Variants in KIFC1 observed in about 807,000 individuals in gnomAD.
KIFC1 encodes the protein kinesin-like protein KIFC1.
KIFC1 carries 37 observed loss-of-function variants against 66.6 expected under a neutral mutation model. That is an observed-to-expected ratio of 0.56 (90% CI 0.43 to 0.73). The LOEUF is 0.73. Among genes scored for constraint, KIFC1 ranks in the 30% least tolerant of loss-of-function variants. KIFC1 has a pLI of 0.00. For synonymous variants in KIFC1, 325 were observed against 343.5 expected (o/e 0.95, Z 0.60); for missense variants, 721 against 859.8 (o/e 0.84, Z 2.02).
chr6:33,403,461 T>A lies in KIFC1; in HGVS notation c.305-24T>A. 1 of 1,613,700 alleles carries A rather than the reference T, an allele frequency of 6.2e-7. No individual in the cohort carries two copies. Among genetic ancestry groups the A allele is most frequent in the South Asian group, 1.1e-5 (1 of 91,068 alleles). On this transcript the variant is annotated intron_variant, in intron 4 of 10. Coordinates refer to ENST00000428849, the MANE Select transcript of KIFC1 (RefSeq NM_002263.4). This position sits in a 1 kb window ranked among gnomAD's most constrained non-coding sequence, Gnocchi z 4.6. ...GGAGGGACACTGGTCCTGTAATTCCTAAGTCACCTCCTCAATTCTGTAGGG... is the reference window on the plus strand; with the variant it reads ...GGAGGGACACTGGTCCTGTAATTCCAAAGTCACCTCCTCAATTCTGTAGGG...
At position 33,403,476 on chromosome 6, in the gene KIFC1, A is replaced by G. The variant is rs1374347007; in HGVS notation, c.305-9A>G. The stretch of plus-strand genomic sequence containing the variant: ...CTGTAATTCCTAAGTCACCTCCTCA[A>G]TTCTGTAGGGTTGAAGAACCAGAAG... On this transcript the variant is annotated splice_polypyrimidine_tract_variant and intron_variant, in intron 4 of 10. Coordinates refer to ENST00000428849, the MANE Select transcript of KIFC1 (RefSeq NM_002263.4). The surrounding 1 kb of genome is among the most constrained non-coding windows in gnomAD (Gnocchi z 4.6). The G allele has an allele frequency of 6.2e-7, 1 of 1,613,976 alleles. No homozygotes were observed. The highest frequency in any genetic ancestry group is 8.5e-7 in the Non-Finnish European group (1 of 1,179,938).
In KIFC1 at chr6:33,398,392, G is replaced by A. The variant is rs892920622; in HGVS notation, c.250+5G>A. On this transcript the variant is annotated splice_donor_5th_base_variant and intron_variant, in intron 3 of 10. Coordinates refer to ENST00000428849, the MANE Select transcript of KIFC1 (RefSeq NM_002263.4). Reference sequence around the variant, plus strand: ...AGACACAAGGCCAGACCACAGGTGGGCTCTCAGGATGGATAGACTCCAAGG... The same window carrying A: ...AGACACAAGGCCAGACCACAGGTGGACTCTCAGGATGGATAGACTCCAAGG... 24 of 1,605,156 alleles carry A rather than the reference G, an allele frequency of 1.5e-5. No individual in the cohort carries two copies. Among genetic ancestry groups the A allele is most frequent in the Non-Finnish European group, 2.0e-5 (24 of 1,172,096 alleles).
At position 33,391,950 on chromosome 6, in the gene KIFC1, C is replaced by T. The variant is rs1774804087; in HGVS notation, c.-36C>T. 1 of 1,613,728 alleles carries T rather than the reference C, an allele frequency of 6.2e-7. No individual in the cohort carries two copies. Among genetic ancestry groups the T allele is most frequent in the African/African-American group, 1.3e-5 (1 of 74,936 alleles). On this transcript the variant is annotated 5_prime_UTR_variant, in exon 1 of 11. Transcript: ENST00000428849. Reference sequence around the variant, plus strand: ...ATCCCCGGCACCCAGTTCTCTTCCACTGCATTCCCCCGGCGCGTGTGGGAC... The same window carrying T: ...ATCCCCGGCACCCAGTTCTCTTCCATTGCATTCCCCCGGCGCGTGTGGGAC...
rs570330144 is a variant in KIFC1, at chr6:33,404,028, C to A, written c.655C>A (p.Arg219=). The A allele has an allele frequency of 6.8e-6, 11 of 1,614,044 alleles. No homozygotes were observed. The highest frequency in any genetic ancestry group is 9.3e-6 in the Non-Finnish European group (11 of 1,180,022). The change falls in exon 6 of 11, where the codon CGG becomes AGG. Residue 219 remains arginine, a synonymous_variant. Transcript: ENST00000428849. This position sits in a 1 kb window ranked among gnomAD's most constrained non-coding sequence, Gnocchi z 4.0. ...TGCTTGTGTCCTGGAGCTGGAAGAG[C>A]GGCTGAGCACGCAGGAGGGCTTGGT... The part of the protein sequence containing the change: ...LRACVLELEE[R]LSTQEGLVQE...
At chr6:33,398,199 TGG>T (rs1252962085) in intron 2 of KIFC1, 33 bp downstream of exon 2, 1 of 1,613,742 alleles carries the variant, frequency 6.2e-7, no homozygotes, top group Admixed American at 1.7e-5. Context: ...TGCATGTGTG[TGG>T]GGGGTGTGTG....
Position 33,400,336 on chromosome 6 carries a change from A to C in KIFC1, c.250+1949A>C. The C allele has an allele frequency of 6.3e-7, 1 of 1,587,076 alleles. No individual in the cohort carries two copies. The highest frequency in any genetic ancestry group is 8.6e-7 in the Non-Finnish European group (1 of 1,168,258). ...GATGATCGGGGCAGAGGCAGAAGGC[A>C]CCACCTCAATCTGGGCCTGTCTGTT... On this transcript the variant is annotated intron_variant, in intron 3 of 10. Transcript: ENST00000428849. This position sits in a 1 kb window ranked among gnomAD's most constrained non-coding sequence, Gnocchi z 4.3.
At chr6:33,402,432 G>A (rs184552324) in intron 3 of KIFC1, among the ~76,000 whole-genome samples, 1 of 152,280 alleles carries the variant, frequency 6.6e-6, no homozygotes, top group Admixed American at 6.5e-5. Context: ...ATGATTTAAA[G>A]TATATGCGGC....
At chr6:33,396,478 C>T (rs1315239769) in intron 1 of KIFC1, among the ~76,000 whole-genome samples, 1 of 142,444 alleles carries the variant, frequency 7.0e-6, no homozygotes. Flanking sequence ...CAATATGTCG[C>T]CCAGGCTGGA....
rs9280440 is a variant in KIFC1 at position 33,401,704 on chromosome 6, CTTT to C, written c.251-1597_251-1595del. On this transcript the variant is annotated intron_variant, in intron 3 of 10. Coordinates refer to ENST00000428849, the MANE Select transcript of KIFC1 (RefSeq NM_002263.4). This position sits in a 1 kb window ranked among gnomAD's most constrained non-coding sequence, Gnocchi z 4.5. ...ATAACAATGCTTTCTTCTGGATTGC[CTTT>C]TTTTTTTTTTTTGAGACGGAGTCTC... Among the ~76,000 whole-genome samples the C allele has an allele frequency of 1.6e-4, 21 of 129,796 alleles. No individual in the cohort carries two copies. Among genetic ancestry groups the C allele is most frequent in the South Asian group, 2.5e-4 (1 of 4,054 alleles). 85.2% of individuals were successfully genotyped at this position (129,796 alleles called of 152,430 possible).
Position 33,405,787 on chromosome 6 carries a change from C to T in KIFC1, c.1536+156C>T, listed in dbSNP as rs764776919. Among the ~76,000 whole-genome samples the T allele has an allele frequency of 2.0e-5, 3 of 152,168 alleles. No homozygotes were observed. Among genetic ancestry groups the T allele is most frequent in the Non-Finnish European group, 4.4e-5 (3 of 68,038 alleles). ...CATCCGGTTTTGGCCTGTGGGCTGTCGGTAGATCTGCCTTAACCTGGGAGT... is the reference window on the plus strand; with the variant it reads ...CATCCGGTTTTGGCCTGTGGGCTGTTGGTAGATCTGCCTTAACCTGGGAGT... On this transcript the variant is annotated intron_variant, in intron 7 of 10. Transcript: ENST00000428849. This position sits in a 1 kb window ranked among gnomAD's most constrained non-coding sequence, Gnocchi z 5.4.
intron 1 of KIFC1, among the ~76,000 whole-genome samples, chr6:33,395,616 A>G (rs150836581): frequency 7.2e-5 from 11 of 152,308 alleles, no homozygotes; most frequent in African/African-American, 2.4e-4. Flanking sequence ...TGGGAAAAAT[A>G]TATATACTGT....
Position 33,400,249 on chromosome 6 carries a change from T to G in KIFC1, c.250+1862T>G. Reference sequence around the variant, plus strand: ...GTTGACGATCTCATCAAAAGTGATATTCCCATTGTGTTTAATGTTTTTCTG... The same window carrying G: ...GTTGACGATCTCATCAAAAGTGATAGTCCCATTGTGTTTAATGTTTTTCTG... On this transcript the variant is annotated intron_variant, in intron 3 of 10. Transcript: ENST00000428849. This position sits in a 1 kb window ranked among gnomAD's most constrained non-coding sequence, Gnocchi z 4.3. The G allele has an allele frequency of 6.4e-7, 1 of 1,565,822 alleles. No homozygotes were observed. Among genetic ancestry groups the G allele is most frequent in the East Asian group, 2.2e-5 (1 of 44,578 alleles).
Position 33,409,745 on chromosome 6 carries a change from G to T in KIFC1, c.*55G>T, listed in dbSNP as rs111693043. 305 of 1,203,744 alleles carry T rather than the reference G, an allele frequency of 2.5e-4. 9 individuals carry two copies. The highest frequency in any genetic ancestry group is 3.4e-4 in the Non-Finnish European group (289 of 845,372). 74.6% of individuals were successfully genotyped at this position (1,203,744 alleles called of 1,614,324 possible). On this transcript the variant is annotated 3_prime_UTR_variant, in exon 11 of 11. Transcript: ENST00000428849. ...TGTGTGTGTGTGTGTGTGTGTGTGT[G>T]TGTGTGTGTCCCTATGTCTATGTAT...
Position 33,395,647 on chromosome 6 carries a change from A to C in KIFC1, c.13-2382A>C, listed in dbSNP as rs545161077. On this transcript the variant is annotated intron_variant, in intron 1 of 10. Transcript: ENST00000428849. ...ACTGTGGTCTTTGGAGTTGTCCTGA[A>C]TAAACAAACCTTTAAACACATTTTC... 2.0e-5 allele frequency among the ~76,000 whole-genome samples: 3 copies of C among 152,352 alleles called. No individual in the cohort carries two copies. The East Asian group carries it at 5.8e-4, about 29-fold the overall frequency.
In KIFC1 at chr6:33,409,660, T is replaced by G; in HGVS notation, c.1992T>G (p.Val664=). The change falls in exon 11 of 11, where the codon GTT becomes GTG. Residue 664 remains valine (V), a synonymous_variant. Transcript: ENST00000428849. ...CCTGCCCCCAGGTGAACCAGTGTGT[T>G]ATTGGTACTGCTCAGGCCAACAGGA... ...LRFASKVNQC[V]IGTAQANRK 2 of 1,612,492 alleles carry G rather than the reference T, an allele frequency of 1.2e-6. No homozygotes were observed. The highest frequency in any genetic ancestry group is 2.2e-5 in the South Asian group (2 of 91,016).
intron 3 of KIFC1, among the ~76,000 whole-genome samples, chr6:33,402,740 A>AC (rs1437793799): frequency 6.7e-6 from 1 of 149,632 alleles, no homozygotes; most frequent in Non-Finnish European, 1.5e-5. Flanking sequence ...CAAAAAAAAA[A>AC]CAAAATGGAG....
chr6:33,401,335 C>T lies in KIFC1; in HGVS notation c.251-1979C>T, dbSNP rs867750589. On this transcript the variant is annotated intron_variant, in intron 3 of 10. Coordinates refer to ENST00000428849, the MANE Select transcript of KIFC1 (RefSeq NM_002263.4). This position sits in a 1 kb window ranked among gnomAD's most constrained non-coding sequence, Gnocchi z 4.5. ...ATTTTTAGTAGAGATGGGGTTTCAC[C>T]GTATTAGTCAGGATGGTCTCGATCT... Among the ~76,000 whole-genome samples the T allele has an allele frequency of 4.6e-5, 7 of 151,806 alleles. No homozygotes were observed. The South Asian group carries it at 1.0e-3, about 23-fold the overall frequency.
rs1775311227 is a variant in KIFC1, at chr6:33,400,411, G to C, written c.250+2024G>C. On this transcript the variant is annotated intron_variant, in intron 3 of 10. Transcript: ENST00000428849. The surrounding 1 kb of genome is among the most constrained non-coding windows in gnomAD (Gnocchi z 4.3). ...CCTCAGGCCCTTCCAGTCACCCGTT[G>C]CCTTGGCAATGTCATCACCAACCTT... 6.2e-7 allele frequency: 1 copy of C among 1,602,004 alleles called. No homozygotes were observed.
chr6:33,407,063 T>C, intron 10 of KIFC1, 188 bp downstream of exon 10: 1 of 1,416,616 alleles, frequency 7.1e-7, no homozygotes, highest in Non-Finnish European at 9.2e-7. Flanking sequence ...AAAAAACGGG[T>C]GATTAATTTA....
Sources: gnomAD v4.1 joint callset for allele counts (sites outside exome capture counted in the v4.1 genomes callset) on GRCh38, gnomAD v4.1.1 for gene constraint, Gnocchi (gnomAD v3.1) non-coding constraint, MANE v1.5 for transcripts, NCBI Gene and HGNC (gene_info 2026-07-23, HGNC 2026-07-21) for gene names.